The following NEDD4L variants were observed in gnomAD, a reference collection of about 807,000 sequenced individuals.
NEDD4L encodes E3 ubiquitin-protein ligase NEDD4-like.
A neutral mutation model predicts 148.9 loss-of-function variants in NEDD4L; 54 were observed. The ratio of observed to expected loss-of-function variants is 0.36; its 90% CI spans 0.29 to 0.45. The LOEUF (loss-of-function observed/expected upper bound fraction) is 0.45. NEDD4L is among the 20% of genes least tolerant of loss of function. The pLI is 1.00. For synonymous variants in NEDD4L, 433 were observed against 440.7 expected (o/e 0.98, Z 0.22); for missense variants, 856 against 1,233.8 (o/e 0.69, Z 4.59).
chr18:58,396,116 C>A (rs369955992), intron 30 of NEDD4L, 51 bp from the exon 31 acceptor site: 54 of 1,221,286 alleles, frequency 4.4e-5, no homozygotes, highest in Non-Finnish European at 6.4e-5. Flanking sequence ...TTAACCAGAT[C>A]GAGGAAGTGC....
At chr18:58,067,194 G>C (rs572404525) in intron 1 of NEDD4L, among the ~76,000 whole-genome samples, 1 of 152,224 alleles carries the variant, frequency 6.6e-6, no homozygotes, top group Non-Finnish European at 1.5e-5. Flanking sequence ...TTGGAGTACT[G>C]GTTTATGATT....
At chr18:58,126,298 C>T (rs1821281579) in intron 1 of NEDD4L, among the ~76,000 whole-genome samples, 1 of 152,192 alleles carries the variant, frequency 6.6e-6, no homozygotes, top group South Asian at 2.1e-4. Context: ...CTTTGTGATT[C>T]CCTGTTCCCC....
intron 2 of NEDD4L, among the ~76,000 whole-genome samples, chr18:58,218,690 A>G (rs2043407177): frequency 6.6e-6 from 1 of 152,188 alleles, no homozygotes; most frequent in South Asian, 2.1e-4. Context: ...AATCCCCCAC[A>G]ACCAAGAATT....
At chr18:58,357,320 A>G in intron 19 of NEDD4L, 68 bp downstream of exon 19, 1 of 1,304,424 alleles carries the variant, frequency 7.7e-7, no homozygotes, top group Admixed American at 1.7e-5. Flanking sequence ...TTTCTTGTGT[A>G]TTACTGATAA....
At chr18:58,376,433 T>C (rs2146449310) in intron 24 of NEDD4L, among the ~76,000 whole-genome samples, 1 of 152,306 alleles carries the variant, frequency 6.6e-6, no homozygotes, top group South Asian at 2.1e-4. Context: ...GAGAGAGCTA[T>C]CCTGATTAAC....
At chr18:58,101,958 C>T (rs2084779240) in intron 1 of NEDD4L, among the ~76,000 whole-genome samples, 1 of 152,118 alleles carries the variant, frequency 6.6e-6, no homozygotes, top group African/African-American at 2.4e-5. Context: ...TTTATTAAGA[C>T]CCTAATGTTG....
At chr18:58,052,570 C>T (rs2081920996) in intron 1 of NEDD4L, among the ~76,000 whole-genome samples, 1 of 151,982 alleles carries the variant, frequency 6.6e-6, no homozygotes, top group Non-Finnish European at 1.5e-5. Context: ...GGCAGGCAGA[C>T]ATCTACCAAG....
At chr18:58,380,098 A>G (rs999398911) in intron 24 of NEDD4L, among the ~76,000 whole-genome samples, 2 of 152,016 alleles carry the variant, frequency 1.3e-5, no homozygotes, top group Non-Finnish European at 2.9e-5. Context: ...ATTATAAAAT[A>G]TTAACCTCCA....
At chr18:58,106,391 G>A (rs779147849) in intron 1 of NEDD4L, among the ~76,000 whole-genome samples, 17 of 152,202 alleles carry the variant, frequency 1.1e-4, no homozygotes, top group African/African-American at 2.4e-4. Flanking sequence ...GGAAGGTACC[G>A]AAAAAGCCAA....
chr18:58,245,454 C>T lies in NEDD4L; in HGVS notation c.150C>T (p.Tyr50=), dbSNP rs756510379. Reference sequence around the variant, plus strand: ...ATCCGTATGTGAAACTTTCATTGTACGTAGCGGATGAGAATAGAGAACTTG... The same window carrying T: ...ATCCGTATGTGAAACTTTCATTGTATGTAGCGGATGAGAATAGAGAACTTG... ...ASDPYVKLSL[Y]VADENRELAL... is the part of the protein sequence containing the mutation. The change falls in exon 3 of 31, where the codon TAC becomes TAT. Residue 50 remains tyrosine (Y), a synonymous_variant. Coordinates refer to ENST00000400345, the MANE Select transcript of NEDD4L (RefSeq NM_001144967.3). 10 of 1,575,284 alleles carry T rather than the reference C, an allele frequency of 6.3e-6. No individual in the cohort carries two copies. The highest frequency in any genetic ancestry group is 3.5e-5 in the South Asian group (3 of 86,892).
In NEDD4L at chr18:58,268,179, G is replaced by A. The variant is rs116284015; in HGVS notation, c.297+16125G>A. 7.3e-3 allele frequency among the ~76,000 whole-genome samples: 1,117 copies of A among 152,114 alleles called. 17 individuals are homozygous for A. Among genetic ancestry groups the A allele is most frequent in the African/African-American group, 0.026 (1,065 of 41,530 alleles). ...ATAGGAAGAATGGGGCTCAGAGCCC[G>A]ACCAAAAACAGGGTATGGTGGTCAA... is the stretch of plus-strand genomic sequence containing the variant. On this transcript the variant is annotated intron_variant, in intron 5 of 30. Coordinates refer to ENST00000400345, the MANE Select transcript of NEDD4L (RefSeq NM_001144967.3).
intron 13 of NEDD4L, among the ~76,000 whole-genome samples, chr18:58,339,585 A>T (rs2042180136): frequency 6.6e-6 from 1 of 152,112 alleles, no homozygotes; most frequent in Non-Finnish European, 1.5e-5. Flanking sequence ...GAGCTTTAGG[A>T]CTTTATCTCG....
At chr18:58,202,704 G>A (rs556035061) in intron 2 of NEDD4L, among the ~76,000 whole-genome samples, 2 of 152,306 alleles carry the variant, frequency 1.3e-5, no homozygotes, top group South Asian at 2.1e-4. Flanking sequence ...CTTGGATAGC[G>A]TAGCCATCCA....
chr18:58,122,282 C>G (rs1197852523), intron 1 of NEDD4L, among the ~76,000 whole-genome samples: 1 of 152,006 alleles, frequency 6.6e-6, no homozygotes, highest in Non-Finnish European at 1.5e-5. Flanking sequence ...GGTGGATCAC[C>G]TGAGGTCAGG....
chr18:58,345,627 T>A (rs1291927545), intron 16 of NEDD4L, among the ~76,000 whole-genome samples: 1 of 152,210 alleles, frequency 6.6e-6, no homozygotes, highest in Non-Finnish European at 1.5e-5. Context: ...CATTGAGAAA[T>A]TAAAAAATTT....
rs2047362144 is a variant in NEDD4L at position 58,247,147 on chromosome 18, G to C, written c.204+1639G>C. 5 of 152,116 alleles carry C rather than the reference G, an allele frequency of 3.3e-5. 1 individual carries two copies. The South Asian group carries it at 1.0e-3, about 32-fold the overall frequency. 9.4% of individuals were successfully genotyped at this position (152,116 alleles called of 1,614,324 possible). A position where few individuals can be genotyped will look rare whatever the true frequency, so the allele number is the denominator to read the frequency against. On this transcript the variant is annotated intron_variant, in intron 3 of 30. Transcript: ENST00000400345. The stretch of plus-strand genomic sequence containing the variant: ...TCCTTTAGAGGCGGGTGCTTAGATA[G>C]TCTAACACTTTGCTGAACATTTTCT...
intron 1 of NEDD4L, among the ~76,000 whole-genome samples, chr18:58,121,582 T>A (rs1054205969): frequency 3.3e-5 from 5 of 151,962 alleles, no homozygotes; most frequent in Admixed American, 1.3e-4. Context: ...TTAACAAAAA[T>A]TTTTTTTGTA....
At chr18:58,114,301 G>A (rs921648384) in intron 1 of NEDD4L, among the ~76,000 whole-genome samples, 2 of 151,642 alleles carry the variant, frequency 1.3e-5, no homozygotes, top group African/African-American at 4.9e-5. Context: ...GCATTTGTAG[G>A]GTAAAGGTGT....
At chr18:58,126,421 C>T (rs2031107687) in intron 1 of NEDD4L, among the ~76,000 whole-genome samples, 2 of 152,198 alleles carry the variant, frequency 1.3e-5, no homozygotes, top group South Asian at 4.1e-4. Context: ...TTTCACGTGG[C>T]GTGTTTCCAC....
Sources: gnomAD v4.1 joint callset for allele counts (sites outside exome capture counted in the v4.1 genomes callset) on GRCh38, gnomAD v4.1.1 for gene constraint, MANE v1.5 for transcripts, NCBI Gene and HGNC (gene_info 2026-07-23, HGNC 2026-07-21) for gene names.